Variants in PAPPA observed in about 807,000 individuals in gnomAD.
PAPPA encodes the protein pappalysin-1.
Under a neutral mutation model 164.0 loss-of-function variants are expected in PAPPA, and 60 were observed. The observed-to-expected ratio is 0.37, with a 90% CI of 0.30 to 0.45. The LOEUF is 0.45. Ranked by LOEUF, PAPPA falls within the 20% of genes least tolerant of loss-of-function variation. The pLI is 1.00. For missense variants in PAPPA, 1,782 were observed against 2,087.3 expected, an observed-to-expected ratio of 0.85 and a Z score of 2.85; for synonymous variants, 875 against 814.1, an observed-to-expected ratio of 1.07 and a Z score of -1.27.
chr9:116,304,435 A>T (rs1279463180), intron 10 of PAPPA, among the ~76,000 whole-genome samples: 1 of 152,268 alleles, frequency 6.6e-6, no homozygotes, highest in Non-Finnish European at 1.5e-5. Flanking sequence ...TGCTGGGGCC[A>T]GCAAGAGAAC....
chr9:116,189,895 C>T (rs1404714299), intron 2 of PAPPA, among the ~76,000 whole-genome samples: 1 of 152,198 alleles, frequency 6.6e-6, no homozygotes, highest in East Asian at 1.9e-4. Flanking sequence ...GAATGCCCTG[C>T]CTGGCAGCAA....
At chr9:116,339,403 G>C (rs1846105250) in intron 13 of PAPPA, among the ~76,000 whole-genome samples, 1 of 152,094 alleles carries the variant, frequency 6.6e-6, no homozygotes, top group Non-Finnish European at 1.5e-5. Context: ...TACTGAGCTT[G>C]CATCACCTAA....
chr9:116,255,264 T>C lies in PAPPA; in HGVS notation c.2733-10593T>C, dbSNP rs553619633. ...TAAAGGGTTCTAGAGTCAAACAGCA[T>C]GGTTTAAATCTTGTTTTATAATTGT... is the stretch of plus-strand genomic sequence containing the variant. On this transcript the variant is annotated intron_variant, in intron 7 of 21. Coordinates refer to ENST00000328252, the MANE Select transcript of PAPPA (RefSeq NM_002581.5). Among the ~76,000 whole-genome samples the C allele has an allele frequency of 2.0e-5, 3 of 152,112 alleles. No individual in the cohort carries two copies. The South Asian group carries it at 6.3e-4, about 32-fold the overall frequency.
Position 116,365,342 on chromosome 9 carries a change from C to T in PAPPA, c.4496-2303C>T, listed in dbSNP as rs113391229. 3.9e-3 allele frequency among the ~76,000 whole-genome samples: 592 copies of T among 152,206 alleles called. 4 individuals carry two copies. The highest frequency in any genetic ancestry group is 0.014 in the African/African-American group (572 of 41,556). ...GCCACCAGGGCTGCCACCCTCCCCG[C>T]GCCTCCCGGGAAGGAGACGCGGAGG... On this transcript the variant is annotated intron_variant, in intron 18 of 21. Transcript: ENST00000328252.
chr9:116,365,998 G>C (rs1846496142), intron 18 of PAPPA, among the ~76,000 whole-genome samples: 1 of 152,084 alleles, frequency 6.6e-6, no homozygotes, highest in Non-Finnish European at 1.5e-5. Context: ...ATTTGGAAGG[G>C]GGCCTCTGAA....
chr9:116,286,035 C>G (rs1030370132), intron 9 of PAPPA: 2 of 152,036 alleles, frequency 1.3e-5, no homozygotes, highest in African/African-American at 4.8e-5. Context: ...CTAGTTCCCC[C>G]ACAAAAGGGG....
At chr9:116,250,264 T>A (rs1010720695) in intron 7 of PAPPA, among the ~76,000 whole-genome samples, 2 of 152,182 alleles carry the variant, frequency 1.3e-5, no homozygotes, top group African/African-American at 4.8e-5. Flanking sequence ...AGACACAACC[T>A]CACTGTGCAA....
chr9:116,245,328 G>T (rs900683299), intron 7 of PAPPA, among the ~76,000 whole-genome samples: 4 of 152,164 alleles, frequency 2.6e-5, no homozygotes, highest in African/African-American at 9.6e-5. Flanking sequence ...GAAGGGGCCA[G>T]ATTATGAAGA....
rs147129829 is a variant in PAPPA, at chr9:116,216,157, CAG to C, written c.1919-3775_1919-3774del. 5.9e-3 allele frequency among the ~76,000 whole-genome samples: 896 copies of C among 152,166 alleles called. 6 individuals carry two copies. The highest frequency in any genetic ancestry group is 0.02 in the African/African-American group (843 of 41,508). ...ATTATTTTTAAAAACATCAAAAAGACAGAGAGTTTCACACAAGGCAACTTAGT... is the reference window on the plus strand; with the variant it reads ...ATTATTTTTAAAAACATCAAAAAGACAGAGTTTCACACAAGGCAACTTAGT... On this transcript the variant is annotated intron_variant, in intron 4 of 21. Coordinates refer to ENST00000328252, the MANE Select transcript of PAPPA (RefSeq NM_002581.5).
intron 2 of PAPPA, among the ~76,000 whole-genome samples, chr9:116,206,974 T>C (rs1193984647): frequency 6.6e-6 from 1 of 152,008 alleles, no homozygotes; most frequent in Non-Finnish European, 1.5e-5. Flanking sequence ...AAGGAGTAGG[T>C]TGTGTCTTGG....
chr9:116,200,264 G>T (rs1844156813), intron 2 of PAPPA, among the ~76,000 whole-genome samples: 1 of 152,100 alleles, frequency 6.6e-6, no homozygotes, highest in African/African-American at 2.4e-5. Flanking sequence ...TATTCTTTAT[G>T]TGAAAACCTC....
intron 21 of PAPPA, among the ~76,000 whole-genome samples, chr9:116,394,982 C>T (rs1846943282): frequency 6.6e-6 from 1 of 151,756 alleles, no homozygotes; most frequent in East Asian, 1.9e-4. Flanking sequence ...GAGGATAGAC[C>T]AAAAAAATAA....
chr9:116,222,281 G>A (rs936545765), intron 5 of PAPPA, among the ~76,000 whole-genome samples: 2 of 152,084 alleles, frequency 1.3e-5, no homozygotes, highest in African/African-American at 2.4e-5. Context: ...TCCAATTTAC[G>A]ATAATTTGAC....
chr9:116,246,600 G>A (rs748198232), intron 7 of PAPPA, among the ~76,000 whole-genome samples: 5 of 152,134 alleles, frequency 3.3e-5, no homozygotes, highest in African/African-American at 4.8e-5. Flanking sequence ...GAATAAACTT[G>A]AGTGGAAAGA....
At chr9:116,285,848 T>C (rs1845332364) in intron 9 of PAPPA, 1 of 152,234 alleles carries the variant, frequency 6.6e-6, no homozygotes, top group Non-Finnish European at 1.5e-5. Flanking sequence ...GAGACAGTTT[T>C]ATTTTTCAGG....
intron 20 of PAPPA, among the ~76,000 whole-genome samples, chr9:116,378,938 C>A (rs1453376569): frequency 6.6e-6 from 1 of 152,152 alleles, no homozygotes; most frequent in Non-Finnish European, 1.5e-5. Flanking sequence ...ACTTTAGGAA[C>A]CCCATTCTCT....
chr9:116,340,861 G>A lies in PAPPA; in HGVS notation c.3612-3682G>A, dbSNP rs556198908. ...ATGCTACCCCTACTGATCTGACCAC[G>A]AAATCTTTTGATCAGGTGATTCATG... On this transcript the variant is annotated intron_variant, in intron 13 of 21. Coordinates refer to ENST00000328252, the MANE Select transcript of PAPPA (RefSeq NM_002581.5). Among the ~76,000 whole-genome samples the A allele has an allele frequency of 1.1e-4, 17 of 152,218 alleles. No individual in the cohort carries two copies. In the East Asian group the frequency reaches 1.7e-3, roughly 16 times the overall value.
chr9:116,243,150 ACT>A (rs1844755903), intron 7 of PAPPA, among the ~76,000 whole-genome samples: 2 of 152,146 alleles, frequency 1.3e-5, no homozygotes, highest in African/African-American at 4.8e-5. Flanking sequence ...TGCAGAAGTT[ACT>A]CTGATTCTTC....
chr9:116,254,557 C>T (rs755890009), intron 7 of PAPPA, among the ~76,000 whole-genome samples: 11 of 152,092 alleles, frequency 7.2e-5, no homozygotes, highest in East Asian at 3.9e-4. Context: ...CCAGGGTGGG[C>T]GGATCACAAG....
Sources: gnomAD v4.1 joint callset for allele counts (sites outside exome capture counted in the v4.1 genomes callset) on GRCh38, gnomAD v4.1.1 for gene constraint, MANE v1.5 for transcripts, NCBI Gene and HGNC (gene_info 2026-07-23, HGNC 2026-07-21) for gene names.